FBN3: variants seen among roughly 807,000 people sequenced by gnomAD.
FBN3 encodes fibrillin 3.
A neutral mutation model predicts 330.1 loss-of-function variants in FBN3; 234 were observed. The ratio of observed to expected loss-of-function variants is 0.71; its 90% CI spans 0.64 to 0.79. FBN3 has a LOEUF of 0.79. FBN3 is among the 30% of genes least tolerant of loss of function. FBN3 has a pLI of 0.00. For synonymous variants in FBN3, 1,458 were observed against 1,517.3 expected, an observed-to-expected ratio of 0.96 and a Z score of 0.91; for missense variants, 3,606 against 3,886.9, an observed-to-expected ratio of 0.93 and a Z score of 1.92.
chr19:8,068,891 C>T (rs1268704212), intron 63 of FBN3, among the ~76,000 whole-genome samples: 2 of 151,834 alleles, frequency 1.3e-5, no homozygotes, highest in Non-Finnish European at 2.9e-5. Flanking sequence ...ACTACAGACC[C>T]CTAGTCCCAG....
chr19:8,080,797 T>A (rs1366209893), intron 59 of FBN3, among the ~76,000 whole-genome samples: 1 of 152,158 alleles, frequency 6.6e-6, no homozygotes, highest in Non-Finnish European at 1.5e-5. Flanking sequence ...TTTTTTTGTA[T>A]TTTTAGTAGA....
rs775939922 is a variant in FBN3, at chr19:8,142,048, A to G, written c.631T>C (p.Cys211Arg). 1 of 1,614,166 alleles carries G rather than the reference A, an allele frequency of 6.2e-7. No individual in the cohort carries two copies. The highest frequency in any genetic ancestry group is 1.1e-5 in the South Asian group (1 of 91,086). ...TGLVCTKALC[C>R]ATVGRAWGLP... is the part of the protein sequence containing the mutation. ...CCCCAGGCACGGCCCACAGTGGCAC[A>G]GCAAAGTGCCTTGGTGCACACGAGG... Residue 211 changes from cysteine (C) to arginine (R), a missense_variant, in exon 7 of 64, where the codon TGT becomes CGT. Physicochemically the swap from Cys to Arg is radical, Grantham distance 180. Coordinates refer to ENST00000600128, the MANE Select transcript of FBN3 (RefSeq NM_032447.5).
At chr19:8,125,708 T>C (rs1294944495) in intron 22 of FBN3, among the ~76,000 whole-genome samples, 184 bp downstream of exon 22, 1 of 151,424 alleles carries the variant, frequency 6.6e-6, no homozygotes, top group African/African-American at 2.4e-5. Flanking sequence ...GGAGAATCGC[T>C]TGAACCCGGG....
rs374225001 is a variant in FBN3, at chr19:8,083,284, G to C, written c.7176C>G (p.Ala2392=). Residue 2392 remains alanine (A), a synonymous_variant, in exon 57 of 64, where the codon GCC becomes GCG. Transcript: ENST00000600128. ...SLGSFRCHCQ[A]GYTPDATATT... is the part of the protein sequence containing the mutation. ...TAGCAGTAGCATCCGGTGTGTACCC[G>C]GCCTGACAGTGGCAGCGGAAGGAGC... 6.2e-7 allele frequency: 1 copy of C among 1,614,114 alleles called. No individual in the cohort carries two copies. Among genetic ancestry groups the C allele is most frequent in the South Asian group, 1.1e-5 (1 of 91,088 alleles).
rs563091972 is a variant in FBN3 at position 8,095,255 on chromosome 19, A to T, written c.5785+120T>A. 2.6e-4 allele frequency: 276 copies of T among 1,076,576 alleles called. 1 individual carries two copies. The African/African-American group carries it at 2.9e-3, about 11-fold the overall frequency. 66.7% of individuals were successfully genotyped at this position (1,076,576 alleles called of 1,614,324 possible). ...CAAAGTGCTGGGTATTTTTTTTTTTAAATCTTAAAATAAATGCTTGGGTAG... is the reference window on the plus strand; with the variant it reads ...CAAAGTGCTGGGTATTTTTTTTTTTTAATCTTAAAATAAATGCTTGGGTAG... On this transcript the variant is annotated intron_variant, in intron 46 of 63. Transcript: ENST00000600128.
In FBN3 at chr19:8,097,395, C is replaced by T. The variant is rs2082235398; in HGVS notation, c.5181G>A (p.Glu1727=). ...TGCCATTGGCACAGATGGCGGGGAT[C>T]TCCCCACACTCATCAATGTCTGCAG... The part of the protein sequence containing the change: ...GKPLDIDECG[E]IPAICANGIC... The change falls in exon 42 of 64, where the codon GAG becomes GAA. Residue 1727 remains glutamate, a synonymous_variant. Coordinates refer to ENST00000600128, the MANE Select transcript of FBN3 (RefSeq NM_032447.5). 6.3e-7 allele frequency: 1 copy of T among 1,596,866 alleles called. No homozygotes were observed. Among genetic ancestry groups the T allele is most frequent in the Non-Finnish European group, 8.6e-7 (1 of 1,165,762 alleles).
chr19:8,136,103 C>A lies in FBN3; in HGVS notation c.1466-17G>T, dbSNP rs118115502. 3.7e-6 allele frequency: 6 copies of A among 1,612,936 alleles called. 1 individual carries two copies. The South Asian group carries it at 6.6e-5, about 18-fold the overall frequency. ...CGTCCACATCTGCGGGGAAGGCAGGCGGGCAGTCAAGAGGTGCTCCCCACC... is the reference window on the plus strand; with the variant it reads ...CGTCCACATCTGCGGGGAAGGCAGGAGGGCAGTCAAGAGGTGCTCCCCACC... On this transcript the variant is annotated splice_polypyrimidine_tract_variant and intron_variant, in intron 12 of 63. Coordinates refer to ENST00000600128, the MANE Select transcript of FBN3 (RefSeq NM_032447.5).
Position 8,121,139 on chromosome 19 carries a change from C to T in FBN3, c.3211+119G>A, listed in dbSNP as rs2144894794. The T allele has an allele frequency of 1.0e-6, 1 of 992,846 alleles. No individual in the cohort carries two copies. The highest frequency in any genetic ancestry group is 1.5e-6 in the Non-Finnish European group (1 of 671,380). The allele number at this position is 992,846 out of a possible 1,614,324, so 61.5% of individuals were successfully genotyped here. On this transcript the variant is annotated intron_variant, in intron 25 of 63. Coordinates refer to ENST00000600128, the MANE Select transcript of FBN3 (RefSeq NM_032447.5). The surrounding 1 kb of genome is among the most constrained non-coding windows in gnomAD (Gnocchi z 4.5). Reference sequence around the variant, plus strand: ...CTGTACCTCAGCTAATTTACAGCTCCTCCCTCCTCCTGCCCCCTCCATCCA... The same window carrying T: ...CTGTACCTCAGCTAATTTACAGCTCTTCCCTCCTCCTGCCCCCTCCATCCA...
chr19:8,146,525 C>T (rs534558021), intron 3 of FBN3, among the ~76,000 whole-genome samples: 63 of 152,228 alleles, frequency 4.1e-4, no homozygotes, highest in Non-Finnish European at 2.1e-4. Flanking sequence ...TGCTGGGGTC[C>T]TGGATACTGA....
Position 8,138,228 on chromosome 19 carries a change from C to G in FBN3, c.1114G>C (p.Gly372Arg), listed in dbSNP as rs149330841. Residue 372 changes from glycine to arginine, a missense_variant, in exon 10 of 64, where the codon GGT becomes CGT. Physicochemically the swap from Gly to Arg is moderately radical, Grantham distance 125. Coordinates refer to ENST00000600128, the MANE Select transcript of FBN3 (RefSeq NM_032447.5). ...GLLGFGSNGM[G>R]PPLGPARLNP... Reference sequence around the variant, plus strand: ...AGTCGCGCTGGCCCAAGAGGGGGACCCATGCCATTGGATCCGAAGCCCAGG... The same window carrying G: ...AGTCGCGCTGGCCCAAGAGGGGGACGCATGCCATTGGATCCGAAGCCCAGG... 143 of 1,612,020 alleles carry G rather than the reference C, an allele frequency of 8.9e-5. No homozygotes were observed. In the African/African-American group the frequency reaches 1.8e-3, roughly 20 times the overall value.
rs1259287448 is a variant in FBN3, at chr19:8,131,691, C to A, written c.1853G>T (p.Ser618Ile). The A allele has an allele frequency of 2.5e-6, 4 of 1,614,168 alleles. No individual in the cohort carries two copies. The highest frequency in any genetic ancestry group is 3.4e-6 in the Non-Finnish European group (4 of 1,180,032). The change falls in exon 15 of 64, where the codon AGC becomes ATC. Residue 618 changes from serine (S) to isoleucine (I), a missense_variant. Physicochemically the swap from Ser to Ile is moderately radical, Grantham distance 142. Transcript: ENST00000600128. The surrounding 1 kb of genome is among the most constrained non-coding windows in gnomAD (Gnocchi z 4.5). ...CTTCTCGATGGCCCCATAGCAGGTG[C>A]TGCGCACGTGGGTGTCCACGCACAC... ...GRVCVDTHVR[S>I]TCYGAIEKGS... is the part of the protein sequence containing the mutation.
intron 16 of FBN3, among the ~76,000 whole-genome samples, chr19:8,130,608 G>C (rs1356003702): frequency 2.4e-4 from 2 of 8,168 alleles, no homozygotes; most frequent in East Asian, 2.3e-3. Context: ...AAGAAAGAAA[G>C]AAAGAAAGAA....
rs546961360 is a variant in FBN3, at chr19:8,129,993, G to A, written c.2045-628C>T. 3.3e-5 allele frequency among the ~76,000 whole-genome samples: 5 copies of A among 151,878 alleles called. No homozygotes were observed. Among genetic ancestry groups the A allele is most frequent in the East Asian group, 2.0e-4 (1 of 5,082 alleles). On this transcript the variant is annotated intron_variant, in intron 16 of 63. Coordinates refer to ENST00000600128, the MANE Select transcript of FBN3 (RefSeq NM_032447.5). The surrounding 1 kb of genome is among the most constrained non-coding windows in gnomAD (Gnocchi z 4.5). ...GCTCACTGCAACCTCCACCTCCCTC[G>A]TTCAAGTGATTCTCATGACTCAGCC...
chr19:8,141,741 T>C lies in FBN3; in HGVS notation c.841A>G (p.Ser281Gly). The change falls in exon 8 of 64, where the codon AGT (serine) becomes GGT (glycine). Residue 281 changes from serine to glycine, a missense_variant. Physicochemically the swap from Ser to Gly is moderately conservative, Grantham distance 56 (BLOSUM62 0). Coordinates refer to ENST00000600128, the MANE Select transcript of FBN3 (RefSeq NM_032447.5). ...HCRCPVGHRL[S>G]DSSAACEDYR... ...CCTTCACATGCGGCGCTGCTGTCAC[T>C]GAGCCGGTGTCCAACTGGACAGCGG... The C allele has an allele frequency of 1.9e-6, 3 of 1,614,082 alleles. No homozygotes were observed. Among genetic ancestry groups the C allele is most frequent in the Non-Finnish European group, 2.5e-6 (3 of 1,179,960 alleles).
At position 8,144,304 on chromosome 19, in the gene FBN3, G is replaced by A. The variant is rs375324213; in HGVS notation, c.541+573C>T. 8.5e-5 allele frequency among the ~76,000 whole-genome samples: 13 copies of A among 152,196 alleles called. No homozygotes were observed. In the East Asian group the frequency reaches 2.5e-3, roughly 29 times the overall value. ...CCCAGCTACTCGGGAGGCTGAAGCG[G>A]GAGGATTGGTTGAACCTGGGAGGCA... On this transcript the variant is annotated intron_variant, in intron 6 of 63. Transcript: ENST00000600128.
At chr19:8,145,399 G>T (rs1260156057) in intron 5 of FBN3, among the ~76,000 whole-genome samples, 2 of 127,168 alleles carry the variant, frequency 1.6e-5, no homozygotes, top group South Asian at 5.3e-4. Context: ...AAAAAAAAAG[G>T]GCCGGGCACG....
intron 57 of FBN3, among the ~76,000 whole-genome samples, chr19:8,082,141 T>C (rs138974852): frequency 1.2e-4 from 15 of 129,804 alleles, no homozygotes; most frequent in Admixed American, 8.8e-4. Flanking sequence ...TTTCTTTTTT[T>C]CTTTTTTTTA....
At chr19:8,068,589 C>T (rs2081442469) in intron 63 of FBN3, among the ~76,000 whole-genome samples, 1 of 151,610 alleles carries the variant, frequency 6.6e-6, no homozygotes, top group African/African-American at 2.4e-5. Context: ...GTGGTCTCAG[C>T]TACTTGGGGG....
At chr19:8,135,935 T>TTGGGGGGGGGGGGGGGGGGCGC in intron 13 of FBN3, 26 bp downstream of exon 13, 7 of 1,344,156 alleles carry the variant, frequency 5.2e-6, no homozygotes, top group African/African-American at 1.5e-5. Flanking sequence ...CGGAAGCCCC[T>TTGGGGGGGGGGGGGGGGGGCGC]GCCCACCCGC....
Sources: gnomAD v4.1 joint callset for allele counts (sites outside exome capture counted in the v4.1 genomes callset) on GRCh38, gnomAD v4.1.1 for gene constraint, Gnocchi (gnomAD v3.1) non-coding constraint, MANE v1.5 for transcripts, NCBI Gene and HGNC (gene_info 2026-07-23, HGNC 2026-07-21) for gene names.